Variants in SCHIP1 observed in about 807,000 individuals in gnomAD.
The protein encoded by SCHIP1 is schwannomin-interacting protein 1.
In SCHIP1, 8 loss-of-function variants were observed where a neutral mutation model predicts 29.7. The ratio of observed to expected loss-of-function variants is 0.27; its 90% CI spans 0.16 to 0.49. The LOEUF is 0.49. SCHIP1 is among the 20% of genes least tolerant of loss of function. SCHIP1 has a pLI of 0.99. For missense variants in SCHIP1, 193 were observed against 294.6 expected, an observed-to-expected ratio of 0.66 and a Z score of 2.52; for synonymous variants, 76 against 94.9, an observed-to-expected ratio of 0.80 and a Z score of 1.16.
At chr3:159,276,585 G>C in the SCHIP1 span, among the ~76,000 whole-genome samples, 1 of 152,080 alleles carries the variant, frequency 6.6e-6, no homozygotes, top group Non-Finnish European at 1.5e-5. Context: ...TTCCTACTTT[G>C]TATTACATGA....
the SCHIP1 span, among the ~76,000 whole-genome samples, chr3:159,689,766 TG>T: frequency 2.6e-5 from 4 of 152,176 alleles, no homozygotes; most frequent in Non-Finnish European, 5.9e-5. Flanking sequence ...TTTTGAGCTA[TG>T]TTCCATCAAT....
At chr3:159,521,850 AATAAT>A in the SCHIP1 span, among the ~76,000 whole-genome samples, 32 of 152,376 alleles carry the variant, frequency 2.1e-4, no homozygotes, top group South Asian at 5.6e-3. Context: ...CATAGCCAAA[AATAAT>A]ATAATTGCTA....
chr3:159,277,475 G>T, the SCHIP1 span, among the ~76,000 whole-genome samples: 10 of 151,938 alleles, frequency 6.6e-5, no homozygotes, highest in Admixed American at 3.9e-4. Flanking sequence ...CTGATGTCTT[G>T]GTGGAGAAGA....
chr3:159,430,073 G>T, the SCHIP1 span, among the ~76,000 whole-genome samples: 3 of 152,234 alleles, frequency 2.0e-5, no homozygotes, highest in African/African-American at 7.2e-5. Context: ...TTGAAAAATT[G>T]TTTAGAAAAG....
chr3:159,429,307 T>G, the SCHIP1 span, among the ~76,000 whole-genome samples: 1 of 151,314 alleles, frequency 6.6e-6, no homozygotes, highest in African/African-American at 2.4e-5. Flanking sequence ...GACTACAAGG[T>G]TTTCATAGGG....
the SCHIP1 span, among the ~76,000 whole-genome samples, chr3:159,404,537 A>G: frequency 6.6e-6 from 1 of 152,006 alleles, no homozygotes; most frequent in Non-Finnish European, 1.5e-5. Context: ...GGCCATGAGG[A>G]GTGACTCCTT....
chr3:159,867,774 T>C (rs1714774285), intron 2 of SCHIP1, among the ~76,000 whole-genome samples: 1 of 152,020 alleles, frequency 6.6e-6, no homozygotes, highest in African/African-American at 2.4e-5. Context: ...ACTTTAACAA[T>C]TTACTTAGTT....
chr3:159,371,270 T>A, the SCHIP1 span, among the ~76,000 whole-genome samples: 1 of 152,146 alleles, frequency 6.6e-6, no homozygotes, highest in Non-Finnish European at 1.5e-5. Context: ...GTGAATAAAT[T>A]GGAATCCTAA....
the SCHIP1 span, among the ~76,000 whole-genome samples, chr3:159,673,630 G>A: frequency 6.6e-5 from 10 of 152,270 alleles, no homozygotes; most frequent in Non-Finnish European, 1.0e-4. Context: ...ATGAGTTACC[G>A]CAAATCCTTC....
the SCHIP1 span, chr3:159,274,312 G>A: frequency 3.1e-6 from 3 of 983,310 alleles, no homozygotes; most frequent in East Asian, 1.1e-4. Context: ...TTTCAATTTA[G>A]ATTATACTTT....
At chr3:159,731,405 G>A in the SCHIP1 span, among the ~76,000 whole-genome samples, 1 of 152,206 alleles carries the variant, frequency 6.6e-6, no homozygotes, top group Non-Finnish European at 1.5e-5. Flanking sequence ...GAACCCTCAA[G>A]CTTCAGCTGT....
the SCHIP1 span, chr3:159,306,523 C>T: frequency 2.0e-6 from 1 of 506,630 alleles, no homozygotes; most frequent in Non-Finnish European, 2.5e-6. Context: ...ATTAACTGGC[C>T]AAGGTCATGC....
chr3:159,830,505 T>C, the SCHIP1 span, among the ~76,000 whole-genome samples: 1 of 152,236 alleles, frequency 6.6e-6, no homozygotes, highest in Non-Finnish European at 1.5e-5. Flanking sequence ...AAGGTCAGAA[T>C]AGTCCAAACT....
At chr3:159,892,366 C>G in intron 6 of SCHIP1, 176 bp downstream of exon 7, 1 of 675,200 alleles carries the variant, frequency 1.5e-6, no homozygotes, top group South Asian at 1.9e-5. Context: ...TTGTCCTTAC[C>G]AAATGCATGC....
At chr3:159,414,667 TCTC>T in the SCHIP1 span, among the ~76,000 whole-genome samples, 1 of 152,174 alleles carries the variant, frequency 6.6e-6, no homozygotes, top group Non-Finnish European at 1.5e-5. Flanking sequence ...TACTAACTAT[TCTC>T]CTAGAATCAG....
chr3:159,643,673 G>C, the SCHIP1 span, among the ~76,000 whole-genome samples: 3 of 152,070 alleles, frequency 2.0e-5, no homozygotes, highest in Non-Finnish European at 4.4e-5. Flanking sequence ...GCAAAATTCT[G>C]TAACTTTTTA....
At chr3:159,566,767 G>A in the SCHIP1 span, among the ~76,000 whole-genome samples, 2 of 152,116 alleles carry the variant, frequency 1.3e-5, no homozygotes, top group Non-Finnish European at 2.9e-5. Flanking sequence ...GGCAGACAAC[G>A]GCATCAGGGA....
At chr3:159,290,797 A>G in the SCHIP1 span, among the ~76,000 whole-genome samples, 2 of 152,150 alleles carry the variant, frequency 1.3e-5, no homozygotes, top group Non-Finnish European at 2.9e-5. Flanking sequence ...TTTAATTTAT[A>G]ATTTACATAA....
At chr3:159,438,398 C>T in the SCHIP1 span, among the ~76,000 whole-genome samples, 1 of 152,240 alleles carries the variant, frequency 6.6e-6, no homozygotes, top group South Asian at 2.1e-4. Context: ...CCTTCGAAGA[C>T]CCATCTCTTC....
Sources: gnomAD v4.1 joint callset for allele counts (sites outside exome capture counted in the v4.1 genomes callset) on GRCh38, gnomAD v4.1.1 for gene constraint, MANE v1.5 for transcripts, NCBI Gene and HGNC (gene_info 2026-07-23, HGNC 2026-07-21) for gene names.